Variants in CSMD1 observed in about 807,000 individuals in gnomAD.
The protein encoded by CSMD1 is CUB and Sushi multiple domains 1, also known as CUB and sushi domain-containing protein 1.
Under a neutral mutation model 417.5 loss-of-function variants are expected in CSMD1, and 213 were observed. That is an observed-to-expected ratio of 0.51 (90% confidence interval 0.46 to 0.57). The LOEUF (loss-of-function observed/expected upper bound fraction) is 0.57, where lower values mean the gene tolerates loss of function less well. CSMD1 is among the 20% of genes least tolerant of loss of function. The pLI, the probability that CSMD1 is intolerant of heterozygous loss-of-function variation, is 0.00. For synonymous variants in CSMD1, 2,862 were observed against 1,736.8 expected, an observed-to-expected ratio of 1.65 and a Z score of -16.11; for missense variants, 6,923 against 4,529.7, an observed-to-expected ratio of 1.53 and a Z score of -15.17.
At chr8:3,797,680 G>A (rs181238751) in intron 5 of CSMD1, among the ~76,000 whole-genome samples, 1 of 151,822 alleles carries the variant, frequency 6.6e-6, no homozygotes, top group East Asian at 1.9e-4. Context: ...ATGGACTTTT[G>A]GATTGTTTCA....
intron 12 of CSMD1, among the ~76,000 whole-genome samples, chr8:3,430,767 C>T (rs1390814306): frequency 2.6e-5 from 4 of 152,066 alleles, no homozygotes; most frequent in African/African-American, 7.2e-5. Flanking sequence ...CGATCATGGC[C>T]CTGAACTGCA....
At chr8:3,160,134 CTTTT>C in intron 38 of CSMD1, among the ~76,000 whole-genome samples, 1 of 151,880 alleles carries the variant, frequency 6.6e-6, no homozygotes. Context: ...TTCTTTTTTT[CTTTT>C]TTTAAGATAG....
intron 3 of CSMD1, among the ~76,000 whole-genome samples, chr8:4,285,370 T>A (rs1797005439): frequency 6.6e-6 from 1 of 152,222 alleles, no homozygotes; most frequent in Non-Finnish European, 1.5e-5. Context: ...GCAGCCTTTC[T>A]ATTCTAGAGG....
At chr8:3,273,515 T>C (rs1465838662) in intron 26 of CSMD1, among the ~76,000 whole-genome samples, 1 of 152,202 alleles carries the variant, frequency 6.6e-6, no homozygotes, top group African/African-American at 2.4e-5. Context: ...TGGTACAAAT[T>C]CCTCCTTGTA....
Position 4,848,664 on chromosome 8 carries a change from C to T in CSMD1, c.85+145668G>A, listed in dbSNP as rs559072600. On this transcript the variant is annotated intron_variant, in intron 1 of 69. Transcript: ENST00000635120. The stretch of plus-strand genomic sequence containing the variant: ...AAGCAATTATCCTGGCTCTGCCTCT[C>T]GAGTAGCTGGGATTACAGGCACCCA... Among the ~76,000 whole-genome samples, 190 of 151,938 alleles carry T rather than the reference C, an allele frequency of 1.3e-3. 1 individual carries two copies. Among genetic ancestry groups the T allele is most frequent in the African/African-American group, 4.4e-3 (183 of 41,416 alleles).
intron 3 of CSMD1, among the ~76,000 whole-genome samples, chr8:4,325,621 A>C (rs1215017397): frequency 6.6e-6 from 1 of 152,162 alleles, no homozygotes; most frequent in Non-Finnish European, 1.5e-5. Flanking sequence ...AAAGCATCTG[A>C]AGATTTTTTC....
At chr8:3,596,536 T>A (rs778312382) in intron 8 of CSMD1, among the ~76,000 whole-genome samples, 1 of 152,170 alleles carries the variant, frequency 6.6e-6, no homozygotes, top group Non-Finnish European at 1.5e-5. Flanking sequence ...AACTTATCAC[T>A]TAAATCCGTG....
intron 3 of CSMD1, among the ~76,000 whole-genome samples, chr8:4,205,412 T>A (rs752125578): frequency 1.3e-5 from 2 of 152,226 alleles, no homozygotes; most frequent in Non-Finnish European, 2.9e-5. Flanking sequence ...TCATCTCTTT[T>A]TAGTATCACC....
chr8:3,039,746 G>T (rs988045319), intron 50 of CSMD1, among the ~76,000 whole-genome samples: 2 of 152,046 alleles, frequency 1.3e-5, no homozygotes, highest in African/African-American at 4.8e-5. Flanking sequence ...CCTGTCTATA[G>T]CAACTTGAGT....
rs376474032 is a variant in CSMD1 at position 3,913,016 on chromosome 8, A to G, written c.818+84887T>C. ...AGCCTACGCACTGGTGACTATAATG[A>G]GCTAAGGCGTGGAGAGAATCGTGAC... On this transcript the variant is annotated intron_variant, in intron 5 of 69. Coordinates refer to ENST00000635120, the MANE Select transcript of CSMD1 (RefSeq NM_033225.6). Among the ~76,000 whole-genome samples the G allele has an allele frequency of 4.9e-4, 75 of 152,108 alleles. 1 individual carries two copies. Among genetic ancestry groups the G allele is most frequent in the African/African-American group, 1.6e-3 (67 of 41,416 alleles).
At chr8:4,168,142 A>C (rs867634716) in intron 3 of CSMD1, among the ~76,000 whole-genome samples, 2 of 12,272 alleles carry the variant, frequency 1.6e-4, no homozygotes, top group African/African-American at 2.7e-4. Context: ...AATAAAAAAA[A>C]ATATACACAC....
chr8:3,001,365 A>AT (rs1807391078), intron 52 of CSMD1, among the ~76,000 whole-genome samples: 1 of 151,854 alleles, frequency 6.6e-6, no homozygotes, highest in African/African-American at 2.4e-5. Context: ...CCTTTCCTCC[A>AT]ACTTCTCCTT....
intron 12 of CSMD1, among the ~76,000 whole-genome samples, chr8:3,464,421 AT>A (rs1357639810): frequency 1.3e-5 from 2 of 151,846 alleles, no homozygotes; most frequent in Non-Finnish European, 2.9e-5. Context: ...ATTTTTCTTT[AT>A]TTTCTGTGGA....
chr8:4,636,861 C>G (rs913557437), intron 2 of CSMD1, among the ~76,000 whole-genome samples: 2 of 152,086 alleles, frequency 1.3e-5, no homozygotes, highest in Non-Finnish European at 2.9e-5. Flanking sequence ...ACTTTTCTGT[C>G]TTACAAGAGG....
intron 10 of CSMD1, among the ~76,000 whole-genome samples, chr8:3,545,344 T>C (rs563318816): frequency 1.3e-5 from 2 of 152,358 alleles, no homozygotes; most frequent in South Asian, 2.1e-4. Flanking sequence ...CTGGTAGCTT[T>C]ATTCCAATAC....
chr8:4,249,186 T>G (rs1207914081), intron 3 of CSMD1, among the ~76,000 whole-genome samples: 1 of 152,194 alleles, frequency 6.6e-6, no homozygotes, highest in South Asian at 2.1e-4. Flanking sequence ...TACTTGAAGC[T>G]TGATAGTGTC....
chr8:3,927,939 T>C (rs749721197), intron 5 of CSMD1, among the ~76,000 whole-genome samples: 4 of 152,164 alleles, frequency 2.6e-5, no homozygotes, highest in Non-Finnish European at 5.9e-5. Context: ...TTTTGTTAGA[T>C]TATCTGTTAA....
At chr8:3,849,200 G>A (rs1404735854) in intron 5 of CSMD1, among the ~76,000 whole-genome samples, 1 of 152,092 alleles carries the variant, frequency 6.6e-6, no homozygotes, top group Non-Finnish European at 1.5e-5. Context: ...AAATCAACCT[G>A]GGAATGGTTG....
chr8:3,314,503 A>T (rs1563262631), intron 23 of CSMD1, among the ~76,000 whole-genome samples: 2 of 152,326 alleles, frequency 1.3e-5, no homozygotes, highest in East Asian at 3.9e-4. Flanking sequence ...AAACTTTAAA[A>T]AAGACTAAAT....
Sources: gnomAD v4.1 joint callset for allele counts (sites outside exome capture counted in the v4.1 genomes callset) on GRCh38, gnomAD v4.1.1 for gene constraint, MANE v1.5 for transcripts, NCBI Gene and HGNC (gene_info 2026-07-23, HGNC 2026-07-21) for gene names.